The following WDR43 variants were observed in gnomAD, a reference collection of about 807,000 sequenced individuals.
WDR43 encodes the protein WD repeat-containing protein 43.
WDR43 carries 13 observed loss-of-function variants against 91.4 expected under a neutral mutation model. The ratio of observed to expected loss-of-function variants is 0.14; its 90% CI spans 0.09 to 0.23. WDR43 has a LOEUF of 0.23. Ranked by LOEUF, WDR43 falls within the 10% of genes least tolerant of loss-of-function variation. The probability of loss-of-function intolerance (pLI) is 1.00; values close to 1 mark genes in which losing one functional copy is unlikely to be tolerated. For synonymous variants in WDR43, 331 were observed against 287.9 expected, an observed-to-expected ratio of 1.15 and a Z score of -1.51; for missense variants, 780 against 809.4, an observed-to-expected ratio of 0.96 and a Z score of 0.44.
Position 28,947,442 on chromosome 2 carries a change from T to C in WDR43, c.*663T>C, listed in dbSNP as rs1316957336. ...TTTTTTTAAAACAAAACAAAAATTATGGTCATTAAAAAACTAGAGAATTAG... is the reference window on the plus strand; with the variant it reads ...TTTTTTTAAAACAAAACAAAAATTACGGTCATTAAAAAACTAGAGAATTAG... On this transcript the variant is annotated 3_prime_UTR_variant, in exon 18 of 18. Coordinates refer to ENST00000407426, the MANE Select transcript of WDR43 (RefSeq NM_015131.3). 1 of 152,162 alleles carries C rather than the reference T, an allele frequency of 6.6e-6. No individual in the cohort carries two copies. The highest frequency in any genetic ancestry group is 1.5e-5 in the Non-Finnish European group (1 of 68,022). 9.4% of individuals were successfully genotyped at this position (152,162 alleles called of 1,614,324 possible).
intron 1 of WDR43, among the ~76,000 whole-genome samples, chr2:28,898,219 C>T (rs978718246): frequency 2.0e-5 from 3 of 152,214 alleles, no homozygotes; most frequent in Non-Finnish European, 4.4e-5. Flanking sequence ...GCTGTCACTG[C>T]AATTAAGATG....
intron 11 of WDR43, among the ~76,000 whole-genome samples, chr2:28,933,291 G>C (rs1302615258): frequency 6.6e-6 from 1 of 152,096 alleles, no homozygotes; most frequent in African/African-American, 2.4e-5. Context: ...AATAAATATA[G>C]ATTAAGGGGC....
At chr2:28,920,183 A>G (rs1670994643) in intron 6 of WDR43, among the ~76,000 whole-genome samples, 1 of 149,614 alleles carries the variant, frequency 6.7e-6, no homozygotes, top group Non-Finnish European at 1.5e-5. Context: ...ATTTAACTTG[A>G]AGTGACTTTC....
At chr2:28,935,867 G>A in intron 12 of WDR43, 1 of 270,156 alleles carries the variant, frequency 3.7e-6, no homozygotes, top group East Asian at 6.6e-5. Context: ...GGAGGCACTT[G>A]GAACTTGTGG....
Position 28,926,455 on chromosome 2 carries a change from A to T in WDR43, c.1087-13A>T. 6.6e-7 allele frequency: 1 copy of T among 1,522,574 alleles called. No homozygotes were observed. 94.3% of individuals were successfully genotyped at this position (1,522,574 alleles called of 1,614,324 possible). On this transcript the variant is annotated splice_polypyrimidine_tract_variant and intron_variant, in intron 8 of 17. Coordinates refer to ENST00000407426, the MANE Select transcript of WDR43 (RefSeq NM_015131.3). ...TCCTCTCATCTTCCCCTTTAAAAAA[A>T]ATATATTTTCAGGCTTTAAACTCCA...
At chr2:28,931,040 AT>A (rs1671229586) in intron 11 of WDR43, among the ~76,000 whole-genome samples, 1 of 149,038 alleles carries the variant, frequency 6.7e-6, no homozygotes, top group South Asian at 2.1e-4. Flanking sequence ...TAGTGTTTGT[AT>A]TTCCCTGATT....
chr2:28,910,702 A>G (rs1397872310), intron 3 of WDR43, among the ~76,000 whole-genome samples: 2 of 110,552 alleles, frequency 1.8e-5, no homozygotes, highest in Admixed American at 2.4e-4. Flanking sequence ...TATAATTATT[A>G]TTTTTATTTT....
intron 3 of WDR43, among the ~76,000 whole-genome samples, chr2:28,909,475 G>A (rs1222779595): frequency 2.6e-5 from 4 of 152,106 alleles, no homozygotes; most frequent in Admixed American, 2.6e-4. Flanking sequence ...TCTATTGTGA[G>A]TGTGTTTTGA....
At chr2:28,921,826 C>T (rs910134518) in intron 6 of WDR43, among the ~76,000 whole-genome samples, 3 of 152,204 alleles carry the variant, frequency 2.0e-5, no homozygotes, top group Non-Finnish European at 2.9e-5. Context: ...GATCCCACCC[C>T]AGTCTTGTGA....
At chr2:28,938,572 AT>A (rs1237701675) in intron 14 of WDR43, among the ~76,000 whole-genome samples, 2 of 151,928 alleles carry the variant, frequency 1.3e-5, no homozygotes, top group African/African-American at 4.8e-5. Flanking sequence ...AAAGTATTCA[AT>A]TTTTTTTCTT....
intron 5 of WDR43, 76 bp downstream of exon 5, chr2:28,914,284 A>C: frequency 6.9e-7 from 1 of 1,446,620 alleles, no homozygotes; most frequent in African/African-American, 1.4e-5. Context: ...GTAAATTATG[A>C]ATATGGGACT....
chr2:28,942,522 C>A (rs1572605524), intron 16 of WDR43, 141 bp downstream of exon 16: 2 of 805,472 alleles, frequency 2.5e-6, no homozygotes, highest in South Asian at 1.9e-5. Flanking sequence ...AAGTCCGTGG[C>A]AAAAATCTGT....
intron 5 of WDR43, among the ~76,000 whole-genome samples, chr2:28,916,697 T>A (rs942913458): frequency 6.6e-5 from 10 of 152,148 alleles, no homozygotes; most frequent in Non-Finnish European, 1.3e-4. Context: ...TTAAGTCCTA[T>A]AAAGTCCCCA....
intron 3 of WDR43, 142 bp downstream of exon 3, chr2:28,906,723 A>T (rs948498176): frequency 1.7e-5 from 19 of 1,088,930 alleles, no homozygotes; most frequent in Admixed American, 3.4e-5. Context: ...TTTAATACAT[A>T]AAATACTAAA....
intron 14 of WDR43, among the ~76,000 whole-genome samples, chr2:28,940,864 C>G (rs1206049257): frequency 3.9e-5 from 6 of 152,148 alleles, no homozygotes; most frequent in Non-Finnish European, 1.5e-5. Context: ...ATTCTCAATA[C>G]AAAAGACTCT....
At chr2:28,923,013 T>G in intron 7 of WDR43, 30 bp downstream of exon 7, 2 of 1,591,732 alleles carry the variant, frequency 1.3e-6, no homozygotes, top group Non-Finnish European at 1.7e-6. Context: ...AGTAAGAAAT[T>G]TGTTTCTTTC....
At position 28,902,001 on chromosome 2, in the gene WDR43, G is replaced by GA; in HGVS notation, c.247dup (p.Arg83LysfsTer10). 6.3e-7 allele frequency: 1 copy of GA among 1,590,872 alleles called. No homozygotes were observed. The highest frequency in any genetic ancestry group is 8.5e-7 in the Non-Finnish European group (1 of 1,174,274). On this transcript the variant is annotated frameshift_variant, in exon 2 of 18. Transcript: ENST00000407426. LOFTEE classifies it high-confidence loss of function. ...TTTTTTTCCAGGAAAGTCCCCAGAG[G>GA]AAAAAAAGGAAATCAGAAGCTGTAG...
intron 1 of WDR43, among the ~76,000 whole-genome samples, chr2:28,897,751 G>A (rs568925191): frequency 5.9e-5 from 9 of 152,258 alleles, no homozygotes; most frequent in African/African-American, 2.2e-4. Context: ...TTGGGTAACG[G>A]GTTAAGTTTG....
chr2:28,935,731 A>G, intron 12 of WDR43, 124 bp downstream of exon 12: 1 of 362,762 alleles, frequency 2.8e-6, no homozygotes, highest in Non-Finnish European at 4.7e-6. Flanking sequence ...TAATGGATGG[A>G]GGAAAGTACT....
Sources: gnomAD v4.1 joint callset for allele counts (sites outside exome capture counted in the v4.1 genomes callset) on GRCh38, gnomAD v4.1.1 for gene constraint, MANE v1.5 for transcripts, NCBI Gene and HGNC (gene_info 2026-07-23, HGNC 2026-07-21) for gene names.